The following PCDH9 variants were observed in gnomAD, a reference collection of about 807,000 sequenced individuals.
The protein encoded by PCDH9 is protocadherin-9.
A neutral mutation model predicts 70.6 loss-of-function variants in PCDH9; 24 were observed. The observed-to-expected ratio is 0.34, with a 90% CI of 0.25 to 0.48. The LOEUF is 0.48. PCDH9 is among the 20% of genes least tolerant of loss of function. The pLI, the probability that PCDH9 is intolerant of heterozygous loss-of-function variation, is 0.99. For missense variants in PCDH9, 1,281 were observed against 1,503.6 expected, an observed-to-expected ratio of 0.85 and a Z score of 2.45; for synonymous variants, 562 against 558.5, an observed-to-expected ratio of 1.01 and a Z score of -0.09.
At chr13:66,687,222 A>G (rs1244322857) in intron 3 of PCDH9, among the ~76,000 whole-genome samples, 1 of 152,188 alleles carries the variant, frequency 6.6e-6, no homozygotes, top group African/African-American at 2.4e-5. Context: ...AAAGGAATAG[A>G]CAATAACATG....
intron 2 of PCDH9, among the ~76,000 whole-genome samples, chr13:66,954,537 G>T (rs1483854310): frequency 1.3e-5 from 2 of 152,170 alleles, no homozygotes; most frequent in African/African-American, 4.8e-5. Context: ...TACCTTGAAT[G>T]ATCAGACTTA....
chr13:67,111,000 T>C (rs1038079829), intron 2 of PCDH9, among the ~76,000 whole-genome samples: 2 of 152,224 alleles, frequency 1.3e-5, no homozygotes, highest in Non-Finnish European at 2.9e-5. Flanking sequence ...ATTTAGAACA[T>C]AGTGACTACT....
intron 3 of PCDH9, among the ~76,000 whole-genome samples, chr13:66,839,007 C>T (rs550493055): frequency 6.6e-6 from 1 of 151,916 alleles, no homozygotes; most frequent in Non-Finnish European, 1.5e-5. Flanking sequence ...AAGTGAAAAA[C>T]ATAATAATGA....
At chr13:67,106,121 T>A (rs939479367) in intron 2 of PCDH9, among the ~76,000 whole-genome samples, 1 of 152,132 alleles carries the variant, frequency 6.6e-6, no homozygotes, top group African/African-American at 2.4e-5. Flanking sequence ...GGACATTAAG[T>A]ATATAAAGTG....
intron 2 of PCDH9, among the ~76,000 whole-genome samples, chr13:66,960,577 T>C (rs932748174): frequency 1.6e-4 from 24 of 152,206 alleles, no homozygotes; most frequent in African/African-American, 5.1e-4. Context: ...TCTACTTCTT[T>C]GGATTTTACA....
At position 66,983,760 on chromosome 13, in the gene PCDH9, T is replaced by C. The variant is rs535377904; in HGVS notation, c.3037-80155A>G. Among the ~76,000 whole-genome samples, 5 of 152,186 alleles carry C rather than the reference T, an allele frequency of 3.3e-5. No individual in the cohort carries two copies. In the East Asian group the frequency reaches 9.7e-4, roughly 29 times the overall value. Reference sequence around the variant, plus strand: ...GTAAACTCATTGCACAGGGGTTTGTTATGCAGATTATTTTGTGACCGAGGA... The same window carrying C: ...GTAAACTCATTGCACAGGGGTTTGTCATGCAGATTATTTTGTGACCGAGGA... On this transcript the variant is annotated intron_variant, in intron 2 of 4. Transcript: ENST00000377865.
chr13:66,427,844 A>G (rs181078245), intron 4 of PCDH9, among the ~76,000 whole-genome samples: 27 of 151,864 alleles, frequency 1.8e-4, no homozygotes, highest in African/African-American at 6.0e-4. Flanking sequence ...GTGTTCGGTT[A>G]GTCATTCTTA....
chr13:66,832,135 AC>A (rs1353332680), intron 3 of PCDH9, among the ~76,000 whole-genome samples: 9 of 152,102 alleles, frequency 5.9e-5, no homozygotes, highest in Admixed American at 6.5e-5. Context: ...CAACCAGGGA[AC>A]ATTGCTAGCT....
intron 2 of PCDH9, among the ~76,000 whole-genome samples, chr13:66,956,978 T>C (rs1298776213): frequency 6.6e-6 from 1 of 152,172 alleles, no homozygotes; most frequent in African/African-American, 2.4e-5. Context: ...GAATTTTCTA[T>C]ATTTTCACAG....
chr13:66,423,030 T>C (rs1262883001), intron 4 of PCDH9, among the ~76,000 whole-genome samples: 1 of 152,048 alleles, frequency 6.6e-6, no homozygotes, highest in East Asian at 1.9e-4. Flanking sequence ...TGTAAACACC[T>C]CTACACAAAA....
At chr13:67,000,835 G>A (rs1003977493) in intron 2 of PCDH9, among the ~76,000 whole-genome samples, 1 of 152,076 alleles carries the variant, frequency 6.6e-6, no homozygotes, top group Non-Finnish European at 1.5e-5. Flanking sequence ...ATAGTGTAAA[G>A]CTAAGAGACA....
chr13:66,481,869 C>A (rs1958844718), intron 4 of PCDH9, among the ~76,000 whole-genome samples: 1 of 151,454 alleles, frequency 6.6e-6, no homozygotes, highest in Non-Finnish European at 1.5e-5. Flanking sequence ...TGAAAGATAT[C>A]CAAAACAAAA....
chr13:67,151,791 A>G (rs1395216638), intron 2 of PCDH9, among the ~76,000 whole-genome samples: 2 of 152,124 alleles, frequency 1.3e-5, no homozygotes, highest in Admixed American at 1.3e-4. Flanking sequence ...TTGAGGCCTC[A>G]TAAAGGACTC....
intron 2 of PCDH9, among the ~76,000 whole-genome samples, chr13:67,118,824 T>C (rs2086826225): frequency 6.6e-6 from 1 of 152,154 alleles, no homozygotes; most frequent in African/African-American, 2.4e-5. Context: ...AAATACCTTT[T>C]CCTAACAAAT....
intron 2 of PCDH9, among the ~76,000 whole-genome samples, chr13:66,997,063 T>C (rs897521340): frequency 6.6e-6 from 1 of 152,166 alleles, no homozygotes; most frequent in African/African-American, 2.4e-5. Context: ...GGTAATATTA[T>C]CATATTGGAA....
At chr13:66,727,677 T>C (rs1593960920) in intron 3 of PCDH9, among the ~76,000 whole-genome samples, 1 of 152,130 alleles carries the variant, frequency 6.6e-6, no homozygotes, top group Non-Finnish European at 1.5e-5. Context: ...GAGGCACACA[T>C]ATGATAAGTA....
chr13:66,846,125 GA>G (rs1425675670), intron 3 of PCDH9, among the ~76,000 whole-genome samples: 2 of 46,144 alleles, frequency 4.3e-5, no homozygotes, highest in African/African-American at 7.0e-5. Context: ...AATGCAGGGG[GA>G]AAAAAAGACC....
At chr13:67,110,908 T>A (rs1408853465) in intron 2 of PCDH9, among the ~76,000 whole-genome samples, 1 of 152,232 alleles carries the variant, frequency 6.6e-6, no homozygotes. Context: ...TCTGAAATTA[T>A]ACAAATTAAT....
intron 4 of PCDH9, among the ~76,000 whole-genome samples, chr13:66,490,272 CAG>C (rs1959012595): frequency 6.6e-6 from 1 of 152,166 alleles, no homozygotes; most frequent in Non-Finnish European, 1.5e-5. Context: ...CTGAGTTCTT[CAG>C]AGTTTTTGAC....
Sources: gnomAD v4.1 joint callset for allele counts (sites outside exome capture counted in the v4.1 genomes callset) on GRCh38, gnomAD v4.1.1 for gene constraint, MANE v1.5 for transcripts, NCBI Gene and HGNC (gene_info 2026-07-23, HGNC 2026-07-21) for gene names.